GNAI1: variants seen among roughly 807,000 people sequenced by gnomAD.
The protein encoded by GNAI1 is G protein subunit alpha i1.
GNAI1 carries 11 observed loss-of-function variants against 38.9 expected under a neutral mutation model. That is an observed-to-expected ratio of 0.28 (90% CI 0.18 to 0.47). GNAI1 has a LOEUF of 0.47. Ranked by LOEUF, GNAI1 falls within the 20% of genes least tolerant of loss-of-function variation. The pLI is 0.99. For missense variants in GNAI1, 317 were observed against 436.9 expected (o/e 0.73, Z 2.45); for synonymous variants, 166 against 145.1 (o/e 1.14, Z -1.04).
intron 3 of GNAI1, among the ~76,000 whole-genome samples, chr7:80,194,784 A>G (rs913761188): frequency 3.9e-5 from 6 of 151,950 alleles, no homozygotes; most frequent in African/African-American, 9.7e-5. Context: ...TTTTTCCCCT[A>G]TGGATCTGCC....
At chr7:80,212,220 A>T (rs1584055462) in intron 6 of GNAI1, among the ~76,000 whole-genome samples, 1 of 152,218 alleles carries the variant, frequency 6.6e-6, no homozygotes, top group African/African-American at 2.4e-5. Flanking sequence ...CTCTTTGATG[A>T]GCACAGATCC....
chr7:80,146,017 C>T (rs1286789166), intron 1 of GNAI1, among the ~76,000 whole-genome samples: 3 of 152,124 alleles, frequency 2.0e-5, no homozygotes, highest in East Asian at 3.9e-4. Context: ...ACAGAGGTCC[C>T]ATGGTGATGG....
At position 80,168,450 on chromosome 7, in the gene GNAI1, C is replaced by T. The variant is rs11765361; in HGVS notation, c.119-20501C>T. ...TCACCTAGGCTGGAGTGCAGTGGCA[C>T]GATCTCGGCTCACTGCAAGCTCCGC... is the stretch of plus-strand genomic sequence containing the variant. On this transcript the variant is annotated intron_variant, in intron 1 of 7. Transcript: ENST00000649796. Among the ~76,000 whole-genome samples the T allele has an allele frequency of 1.4e-3, 213 of 152,208 alleles. 1 individual carries two copies. The South Asian group carries it at 0.021, about 15-fold the overall frequency.
At chr7:80,161,345 G>A (rs1413567940) in intron 1 of GNAI1, among the ~76,000 whole-genome samples, 1 of 152,132 alleles carries the variant, frequency 6.6e-6, no homozygotes, top group Non-Finnish European at 1.5e-5. Flanking sequence ...AGATTAATTT[G>A]TGTTAAGGAA....
At position 80,225,400 on chromosome 7, in the gene GNAI1, T is replaced by C. The variant is rs1301192877; in HGVS notation, c.*7907T>C. 6.6e-6 allele frequency among the ~76,000 whole-genome samples: 1 copy of C among 152,224 alleles called. No individual in the cohort carries two copies. On this transcript the variant is annotated 3_prime_UTR_variant, in exon 8 of 8. Transcript: ENST00000649796. ...ATTAAATCCAGTTTACAGACTCATC[T>C]CTTTAGTCTGCAGCCAAATCAAAAG...
chr7:80,197,281 A>C (rs1788595297), intron 3 of GNAI1, among the ~76,000 whole-genome samples: 1 of 151,598 alleles, frequency 6.6e-6, no homozygotes, highest in Non-Finnish European at 1.5e-5. Flanking sequence ...ATGTAGAATT[A>C]TGAAAAAGAA....
intron 1 of GNAI1, among the ~76,000 whole-genome samples, chr7:80,158,415 A>C (rs1382663955): frequency 1.3e-5 from 2 of 152,154 alleles, no homozygotes; most frequent in Non-Finnish European, 2.9e-5. Context: ...CTCATCTCGA[A>C]TTGTAGTTCC....
intron 3 of GNAI1, among the ~76,000 whole-genome samples, chr7:80,194,058 G>C (rs2115651107): frequency 6.6e-6 from 1 of 152,232 alleles, no homozygotes; most frequent in South Asian, 2.1e-4. Flanking sequence ...CTGTCTGCCG[G>C]ATTTGCTAGA....
chr7:80,157,094 C>T (rs1264617223), intron 1 of GNAI1, among the ~76,000 whole-genome samples: 1 of 152,204 alleles, frequency 6.6e-6, no homozygotes, highest in Non-Finnish European at 1.5e-5. Flanking sequence ...CCCTTAAAAT[C>T]CTCTGTACTC....
chr7:80,151,098 C>G (rs1541382), intron 1 of GNAI1, among the ~76,000 whole-genome samples: 1 of 152,072 alleles, frequency 6.6e-6, no homozygotes. Context: ...ATTTCCCATG[C>G]TTCTCCCTTG....
chr7:80,146,895 ATATC>A (rs1562822722), intron 1 of GNAI1, among the ~76,000 whole-genome samples: 1 of 152,172 alleles, frequency 6.6e-6, no homozygotes, highest in Non-Finnish European at 1.5e-5. Flanking sequence ...GAACACACAC[ATATC>A]TATCACACTT....
chr7:80,198,632 A>G (rs568073580), intron 3 of GNAI1, among the ~76,000 whole-genome samples: 1 of 152,212 alleles, frequency 6.6e-6, no homozygotes, highest in Admixed American at 6.5e-5. Flanking sequence ...ACCTGCTCCC[A>G]ACTTCTGCCC....
Position 80,199,341 on chromosome 7 carries a change from C to G in GNAI1, c.420C>G (p.Phe140Leu), listed in dbSNP as rs191814694. 6.2e-7 allele frequency: 1 copy of G among 1,612,044 alleles called. No individual in the cohort carries two copies. The change falls in exon 4 of 8, where the codon TTC (phenylalanine) becomes TTG (leucine). Residue 140 changes from phenylalanine to leucine, a missense_variant. Physicochemically the swap from Phe to Leu is conservative, Grantham distance 22. Around this residue, in one of 5 missense-constraint regions of GNAI1, gnomAD observed 158 missense variants for 234.7 expected, o/e 0.67. Transcript: ENST00000649796. ...LWKDSGVQAC[F>L]NRSREYQLND... ...AAGATAGTGGTGTACAAGCCTGTTT[C>G]AACAGATCCCGAGAGTACCAGCTTA... is the stretch of plus-strand genomic sequence containing the variant.
At chr7:80,154,643 A>G (rs1787788463) in intron 1 of GNAI1, among the ~76,000 whole-genome samples, 1 of 152,184 alleles carries the variant, frequency 6.6e-6, no homozygotes, top group African/African-American at 2.4e-5. Flanking sequence ...TTGTTGACAA[A>G]TAACATGTTA....
intron 1 of GNAI1, among the ~76,000 whole-genome samples, chr7:80,151,044 A>T (rs1787715642): frequency 6.6e-6 from 1 of 152,102 alleles, no homozygotes; most frequent in Admixed American, 6.6e-5. Context: ...ATTAGCATGG[A>T]ATTCAGGAGC....
chr7:80,198,181 CTA>C (rs1788615226), intron 3 of GNAI1, among the ~76,000 whole-genome samples: 2 of 151,474 alleles, frequency 1.3e-5, no homozygotes, highest in South Asian at 4.2e-4. Flanking sequence ...TAAAATGTAT[CTA>C]CTTTGAATTG....
chr7:80,185,320 C>T (rs566299144), intron 1 of GNAI1, among the ~76,000 whole-genome samples: 1 of 152,208 alleles, frequency 6.6e-6, no homozygotes, highest in Non-Finnish European at 1.5e-5. Flanking sequence ...CTGGTTGTTC[C>T]TATAGATAGT....
At chr7:80,211,449 C>T (rs575076081) in intron 6 of GNAI1, among the ~76,000 whole-genome samples, 53 of 144,982 alleles carry the variant, frequency 3.7e-4, no homozygotes, top group South Asian at 1.9e-3. Flanking sequence ...GACGGAGTCT[C>T]GCCCTGTTGC....
intron 1 of GNAI1, 29 bp downstream of exon 1, chr7:80,135,307 G>A (rs766485950): frequency 5.5e-6 from 7 of 1,283,926 alleles, no homozygotes; most frequent in East Asian, 6.1e-5. Flanking sequence ...GGGCCCGGGG[G>A]TCGGCGGGGG....
Sources: allele counts gnomAD v4.1 joint callset (sites outside exome capture counted in the v4.1 genomes callset), GRCh38; gene constraint gnomAD v4.1.1; regional missense constraint gnomAD v4.1.1; transcripts MANE v1.5; gene names NCBI Gene and HGNC (gene_info 2026-07-23, HGNC 2026-07-21).